The following WWOX variants were observed in gnomAD, a reference collection of about 807,000 sequenced individuals.
The protein encoded by WWOX is WW domain containing oxidoreductase.
Under a neutral mutation model 46.2 loss-of-function variants are expected in WWOX, and 69 were observed. The observed-to-expected ratio is 1.49, with a 90% CI of 1.23 to 1.82. The LOEUF (loss-of-function observed/expected upper bound fraction) is 1.82. WWOX is among the 40% of genes most tolerant of loss of function. The pLI is 0.00. For missense variants in WWOX, 919 were observed against 542.6 expected, an observed-to-expected ratio of 1.69 and a Z score of -6.89; for synonymous variants, 359 against 202.6, an observed-to-expected ratio of 1.77 and a Z score of -6.56.
chr16:79,116,979 A>G (rs1227133620), intron 8 of WWOX, among the ~76,000 whole-genome samples: 2 of 152,162 alleles, frequency 1.3e-5, no homozygotes, highest in Non-Finnish European at 2.9e-5. Flanking sequence ...TGGAAACTAC[A>G]TTAATCTTGT....
intron 8 of WWOX, among the ~76,000 whole-genome samples, chr16:78,859,893 G>A (rs1477520357): frequency 6.6e-6 from 1 of 152,074 alleles, no homozygotes; most frequent in Non-Finnish European, 1.5e-5. Context: ...TTATAAACAG[G>A]TGGTTTCCAA....
At chr16:78,784,226 T>C (rs2050400613) in intron 8 of WWOX, among the ~76,000 whole-genome samples, 1 of 152,106 alleles carries the variant, frequency 6.6e-6, no homozygotes, top group Non-Finnish European at 1.5e-5. Context: ...GATACTATTA[T>C]CCTCCTTTTA....
intron 8 of WWOX, among the ~76,000 whole-genome samples, chr16:78,651,674 C>G (rs1010776145): frequency 6.6e-6 from 1 of 152,206 alleles, no homozygotes; most frequent in African/African-American, 2.4e-5. Context: ...CTCCCCTTCT[C>G]CCACCTGTGC....
At chr16:78,804,274 C>G (rs1272305112) in intron 8 of WWOX, among the ~76,000 whole-genome samples, 2 of 152,132 alleles carry the variant, frequency 1.3e-5, no homozygotes, top group African/African-American at 4.8e-5. Context: ...ACTGCCTGAG[C>G]CGGCTGGTCT....
At chr16:78,389,995 C>T (rs751616970) in intron 6 of WWOX, among the ~76,000 whole-genome samples, 3 of 152,208 alleles carry the variant, frequency 2.0e-5, no homozygotes, top group African/African-American at 7.2e-5. Context: ...GATCTCTCCA[C>T]CTTGGCCTCC....
intron 5 of WWOX, among the ~76,000 whole-genome samples, chr16:78,195,180 C>T (rs1158222144): frequency 6.6e-6 from 1 of 152,178 alleles, no homozygotes; most frequent in Non-Finnish European, 1.5e-5. Context: ...TCCACTTGTT[C>T]AGATCTCAGT....
chr16:78,522,633 G>C (rs561983880), intron 8 of WWOX, among the ~76,000 whole-genome samples: 2 of 152,318 alleles, frequency 1.3e-5, no homozygotes, highest in East Asian at 3.9e-4. Context: ...AAGAGGAAAT[G>C]GTATTCTATA....
At chr16:78,356,245 A>T (rs1394430789) in intron 5 of WWOX, among the ~76,000 whole-genome samples, 3 of 152,114 alleles carry the variant, frequency 2.0e-5, no homozygotes, top group Non-Finnish European at 4.4e-5. Flanking sequence ...ACACATATAT[A>T]AAATATATGT....
At chr16:79,067,769 G>C (rs1454225960) in intron 8 of WWOX, among the ~76,000 whole-genome samples, 1 of 152,176 alleles carries the variant, frequency 6.6e-6, no homozygotes, top group African/African-American at 2.4e-5. Context: ...ATGCACAGAA[G>C]TGGGTATTAC....
intron 8 of WWOX, among the ~76,000 whole-genome samples, chr16:78,474,024 G>C (rs906595015): frequency 6.6e-6 from 1 of 152,202 alleles, no homozygotes; most frequent in Non-Finnish European, 1.5e-5. Flanking sequence ...CTTTTACAGA[G>C]ATTTAAATGT....
chr16:78,801,504 A>C (rs1200240942), intron 8 of WWOX, among the ~76,000 whole-genome samples: 2 of 152,200 alleles, frequency 1.3e-5, no homozygotes, highest in East Asian at 3.9e-4. Flanking sequence ...GCTAGACCCT[A>C]TCTCAAAAAT....
chr16:78,994,101 G>C (rs762556816), intron 8 of WWOX, among the ~76,000 whole-genome samples: 15 of 152,308 alleles, frequency 9.8e-5, no homozygotes, highest in Non-Finnish European at 2.1e-4. Flanking sequence ...TTATGATCAA[G>C]AAACGTTACC....
chr16:78,367,437 T>C (rs2151918152), intron 5 of WWOX, among the ~76,000 whole-genome samples: 2 of 152,088 alleles, frequency 1.3e-5, no homozygotes. Flanking sequence ...TCATCAGCTA[T>C]CATTAGGGTT....
At chr16:78,678,689 G>C (rs972789444) in intron 8 of WWOX, among the ~76,000 whole-genome samples, 2 of 152,196 alleles carry the variant, frequency 1.3e-5, no homozygotes, top group Non-Finnish European at 2.9e-5. Context: ...TTGGGTCTGA[G>C]ATAAACCTAA....
intron 3 of WWOX, among the ~76,000 whole-genome samples, chr16:78,112,426 GT>G (rs1211532578): frequency 6.6e-6 from 1 of 152,110 alleles, no homozygotes; most frequent in Non-Finnish European, 1.5e-5. Flanking sequence ...TGACATGTGT[GT>G]TTTTTGAGCA....
intron 8 of WWOX, among the ~76,000 whole-genome samples, chr16:78,444,102 C>T (rs72799913): frequency 0.025 from 3,832 of 152,248 alleles, 107 homozygotes; most frequent in South Asian, 0.14. Flanking sequence ...CGTTTGGAAA[C>T]GGAACTCCTC....
At chr16:78,380,275 T>C (rs1440050114) in intron 5 of WWOX, among the ~76,000 whole-genome samples, 1 of 152,140 alleles carries the variant, frequency 6.6e-6, no homozygotes, top group African/African-American at 2.4e-5. Flanking sequence ...TAATGGAATA[T>C]GGAATAGCAA....
At chr16:78,787,163 A>G (rs2050478116) in intron 8 of WWOX, among the ~76,000 whole-genome samples, 2 of 152,176 alleles carry the variant, frequency 1.3e-5, no homozygotes, top group South Asian at 4.1e-4. Context: ...CAAAAATAAA[A>G]CAAACAAAAC....
rs531058156 is a variant in WWOX, at chr16:78,102,920, A to G, written c.107+3035A>G. Reference sequence around the variant, plus strand: ...GTGCACTGGGCCCCAGAGTACAAAGATGCACATGACCCGCTTCCGGCTTCC... The same window carrying G: ...GTGCACTGGGCCCCAGAGTACAAAGGTGCACATGACCCGCTTCCGGCTTCC... On this transcript the variant is annotated intron_variant, in intron 1 of 8. Transcript: ENST00000566780. Among the ~76,000 whole-genome samples, 27 of 152,238 alleles carry G rather than the reference A, an allele frequency of 1.8e-4. No individual in the cohort carries two copies. The South Asian group carries it at 5.6e-3, about 32-fold the overall frequency.
Sources: allele counts gnomAD v4.1 joint callset (sites outside exome capture counted in the v4.1 genomes callset), GRCh38; gene constraint gnomAD v4.1.1; transcripts MANE v1.5; gene names NCBI Gene and HGNC (gene_info 2026-07-23, HGNC 2026-07-21).